GNA14: variants seen among roughly 807,000 people sequenced by gnomAD.
GNA14 encodes the protein guanine nucleotide-binding protein subunit alpha-14.
In GNA14, 50 loss-of-function variants were observed where a neutral mutation model predicts 42.0. The observed-to-expected ratio is 1.19, with a 90% CI of 0.95 to 1.51. GNA14 has a LOEUF of 1.51. GNA14 is among the 40% of genes most tolerant of loss of function. The pLI is 0.00. For missense variants in GNA14, 473 were observed against 446.2 expected, an observed-to-expected ratio of 1.06 and a Z score of -0.54; for synonymous variants, 173 against 163.1, an observed-to-expected ratio of 1.06 and a Z score of -0.46.
Position 77,558,948 on chromosome 9 carries a change from C to T in GNA14, c.125-29695G>A, listed in dbSNP as rs568691703. Among the ~76,000 whole-genome samples the T allele has an allele frequency of 2.7e-5, 4 of 149,964 alleles. No homozygotes were observed. The South Asian group carries it at 8.5e-4, about 32-fold the overall frequency. ...AAAAAACAAAAAAAAAAACAAAAAA[C>T]AAACAAACAAAAAACCTCCTCCTGA... On this transcript the variant is annotated intron_variant, in intron 1 of 6. Transcript: ENST00000341700.
Position 77,515,960 on chromosome 9 carries a change from C to CAAAA in GNA14, c.309+13105_309+13108dup, listed in dbSNP as rs1158448237. 5.9e-4 allele frequency among the ~76,000 whole-genome samples: 31 copies of CAAAA among 52,700 alleles called. 1 individual carries two copies. The highest frequency in any genetic ancestry group is 0.021 in the Middle Eastern group (1 of 48). The allele number at this position is 52,700 out of a possible 152,430, so 34.6% of individuals were successfully genotyped here. A position where few individuals can be genotyped will look rare whatever the true frequency, so the allele number is the denominator to read the frequency against. ...GGCAACGCAGCAAGACCCTGTCTCA[C>CAAAA]AAAAAAAAAAAAAAAAAAAAAAACC... On this transcript the variant is annotated intron_variant, in intron 2 of 6. Coordinates refer to ENST00000341700, the MANE Select transcript of GNA14 (RefSeq NM_004297.4).
chr9:77,644,437 C>CAAAAAAAAAAAAAAAAAAAAAAAAAAAA (rs764737417), intron 1 of GNA14, among the ~76,000 whole-genome samples: 7 of 34,022 alleles, frequency 2.1e-4, no homozygotes, highest in African/African-American at 4.7e-4. Flanking sequence ...TAAAGAGTGT[C>CAAAAAAAAAAAAAAAAAAAAAAAAAAAA]AAAAAAAAAA....
intron 2 of GNA14, among the ~76,000 whole-genome samples, chr9:77,493,043 A>G (rs1242107937): frequency 7.3e-6 from 1 of 137,098 alleles, no homozygotes; most frequent in Admixed American, 7.4e-5. Context: ...ATATATATAT[A>G]TATTTGGGAG....
At chr9:77,637,426 C>G (rs1042474525) in intron 1 of GNA14, among the ~76,000 whole-genome samples, 2 of 152,228 alleles carry the variant, frequency 1.3e-5, no homozygotes, top group Non-Finnish European at 2.9e-5. Flanking sequence ...TTGACCTCAT[C>G]TCACCCATCA....
At chr9:77,587,587 G>A (rs545247373) in intron 1 of GNA14, among the ~76,000 whole-genome samples, 4 of 152,266 alleles carry the variant, frequency 2.6e-5, no homozygotes, top group Non-Finnish European at 4.4e-5. Context: ...TGAAATATCC[G>A]TAGTATGAAA....
chr9:77,542,227 G>GAT lies in GNA14; in HGVS notation c.125-12976_125-12975dup, dbSNP rs565327872. Among the ~76,000 whole-genome samples the GAT allele has an allele frequency of 8.2e-3, 1,247 of 151,916 alleles. 13 individuals carry two copies. The highest frequency in any genetic ancestry group is 0.028 in the African/African-American group (1,143 of 41,432). On this transcript the variant is annotated intron_variant, in intron 1 of 6. Coordinates refer to ENST00000341700, the MANE Select transcript of GNA14 (RefSeq NM_004297.4). The stretch of plus-strand genomic sequence containing the variant: ...ATGTACATCTACTTTTTTGTGACGA[G>GAT]ATATATATATATGGCACTATGGCTT...
chr9:77,444,092 G>A (rs1201746653), intron 2 of GNA14, among the ~76,000 whole-genome samples: 1 of 152,236 alleles, frequency 6.6e-6, no homozygotes, highest in Non-Finnish European at 1.5e-5. Flanking sequence ...GCAGTTGAGA[G>A]ATGGTATGTG....
chr9:77,587,552 A>G (rs1006616830), intron 1 of GNA14, among the ~76,000 whole-genome samples: 1 of 148,650 alleles, frequency 6.7e-6, no homozygotes, highest in Non-Finnish European at 1.5e-5. Flanking sequence ...AGAAGACGCA[A>G]AAGTCACATA....
chr9:77,471,344 C>G (rs1324368751), intron 2 of GNA14, among the ~76,000 whole-genome samples: 2 of 152,074 alleles, frequency 1.3e-5, no homozygotes. Flanking sequence ...AACAAATTAA[C>G]ATTGAAGAAA....
chr9:77,623,270 A>C (rs1486665770), intron 1 of GNA14, among the ~76,000 whole-genome samples: 3 of 150,108 alleles, frequency 2.0e-5, no homozygotes, highest in Non-Finnish European at 4.4e-5. Context: ...AAAAAGAAAA[A>C]AAAATTTGAA....
At chr9:77,595,176 C>T (rs1175984767) in intron 1 of GNA14, among the ~76,000 whole-genome samples, 1 of 152,172 alleles carries the variant, frequency 6.6e-6, no homozygotes, top group Non-Finnish European at 1.5e-5. Flanking sequence ...GCATTCTCCA[C>T]ATCACTTGGC....
At chr9:77,512,702 T>C (rs1455476765) in intron 2 of GNA14, among the ~76,000 whole-genome samples, 2 of 152,218 alleles carry the variant, frequency 1.3e-5, no homozygotes, top group African/African-American at 2.4e-5. Context: ...CTGTTATAGA[T>C]TGATAATCTT....
At chr9:77,436,938 T>G (rs1835646804) in intron 2 of GNA14, among the ~76,000 whole-genome samples, 1 of 152,114 alleles carries the variant, frequency 6.6e-6, no homozygotes, top group Non-Finnish European at 1.5e-5. Flanking sequence ...CCCGTGCAGG[T>G]CACAGTGGGA....
At chr9:77,514,532 C>A (rs1309831585) in intron 2 of GNA14, among the ~76,000 whole-genome samples, 1 of 151,598 alleles carries the variant, frequency 6.6e-6, no homozygotes, top group Non-Finnish European at 1.5e-5. Flanking sequence ...ATTACAGGTA[C>A]ACTGGAAAGA....
chr9:77,499,472 T>G (rs898885340), intron 2 of GNA14, among the ~76,000 whole-genome samples: 2 of 152,112 alleles, frequency 1.3e-5, no homozygotes, highest in South Asian at 2.1e-4. Flanking sequence ...TCTTAGCATA[T>G]TATAAAAAGA....
At chr9:77,527,933 C>A (rs1185596531) in intron 2 of GNA14, among the ~76,000 whole-genome samples, 2 of 152,164 alleles carry the variant, frequency 1.3e-5, no homozygotes, top group African/African-American at 4.8e-5. Flanking sequence ...CCGTGCCCAG[C>A]CCACCCCACG....
rs1236188811 is a variant in GNA14, at chr9:77,434,390, G to C, written c.442C>G (p.Gln148Glu). 6.2e-7 allele frequency: 1 copy of C among 1,614,026 alleles called. No homozygotes were observed. The highest frequency in any genetic ancestry group is 8.5e-7 in the Non-Finnish European group (1 of 1,180,000). Residue 148 changes from glutamine to glutamate, a missense_variant, in exon 3 of 7, where the codon CAG becomes GAG. Transcript: ENST00000341700. ...QECYDRRREY[Q>E]LSDSAKYYLT... ...CACTATTTGGCAGAGTCCGACAGCT[G>C]GTACTCCCTCCTCCTGTCGTAACAC...
At chr9:77,644,131 T>C (rs539605754) in intron 1 of GNA14, among the ~76,000 whole-genome samples, 1 of 152,040 alleles carries the variant, frequency 6.6e-6, no homozygotes, top group South Asian at 2.1e-4. Context: ...TAGGATAAAA[T>C]GAGTGGGGCC....
At chr9:77,505,649 A>G (rs2131746195) in intron 2 of GNA14, among the ~76,000 whole-genome samples, 1 of 152,348 alleles carries the variant, frequency 6.6e-6, no homozygotes, top group Admixed American at 6.5e-5. Flanking sequence ...TTTGCTAGTC[A>G]GAAATTTCAG....
Sources: allele counts gnomAD v4.1 joint callset (sites outside exome capture counted in the v4.1 genomes callset), GRCh38; gene constraint gnomAD v4.1.1; transcripts MANE v1.5; gene names NCBI Gene and HGNC (gene_info 2026-07-23, HGNC 2026-07-21).